Variants in WFDC12 observed in about 807,000 individuals in gnomAD.
WFDC12 encodes the protein WAP four-disulfide core domain 12.
A neutral mutation model predicts 7.3 loss-of-function variants in WFDC12; 4 were observed. The ratio of observed to expected loss-of-function variants is 0.55; its 90% CI spans 0.27 to 1.25. WFDC12 has a LOEUF of 1.25. WFDC12 is among the 50% of genes most tolerant of loss of function. The pLI is 0.12. For missense variants in WFDC12, 156 were observed against 134.4 expected (o/e 1.16, Z -0.80); for synonymous variants, 48 against 49.5 (o/e 0.97, Z 0.13).
Position 45,124,180 on chromosome 20 carries a change from A to T in WFDC12, c.165T>A (p.Cys55Ter), listed in dbSNP as rs1458718622. Residue 55 changes from cysteine (C) to a stop codon, truncating the protein, a stop_gained, in exon 2 of 3, where the codon TGT (cysteine) becomes TGA (stop). Transcript: ENST00000372785. LOFTEE classifies it high-confidence loss of function. ...GGTAACAACACTTCCTTTCCCCCAG[A>T]CAGTCCTGGTCTGTGTGACACTGGG... ...DPPQCHTDQDCLGERKCCYLH... is the reference protein window; with the variant it reads ...DPPQCHTDQD 1.2e-5 allele frequency: 20 copies of T among 1,614,020 alleles called. No homozygotes were observed. The highest frequency in any genetic ancestry group is 1.7e-5 in the Non-Finnish European group (20 of 1,180,030).
intron 2 of WFDC12, 79 bp downstream of exon 2, chr20:45,124,028 A>T: frequency 6.2e-7 from 1 of 1,605,334 alleles, no homozygotes; most frequent in Non-Finnish European, 8.5e-7. Context: ...AGCTAAAGGG[A>T]CTAATTCCTC....
rs1161831294 is a variant in WFDC12, at chr20:45,123,491, C to T, written c.*355G>A. The T allele has an allele frequency of 2.2e-5, 6 of 272,844 alleles. No homozygotes were observed. In the South Asian group the frequency reaches 2.9e-4, roughly 13 times the overall value. The allele number at this position is 272,844 out of a possible 1,614,324, so 16.9% of individuals were successfully genotyped here. On this transcript the variant is annotated 3_prime_UTR_variant, in exon 3 of 3. Coordinates refer to ENST00000372785, the MANE Select transcript of WFDC12 (RefSeq NM_080869.2). Reference sequence around the variant, plus strand: ...GGCTGGGAAGTCCAAGATCAAGGCACCAGCAGATTCAGCATCTGGTGAGGA... The same window carrying T: ...GGCTGGGAAGTCCAAGATCAAGGCATCAGCAGATTCAGCATCTGGTGAGGA...
Position 45,123,849 on chromosome 20 carries a change from T to C in WFDC12, c.333A>G (p.Lys111=), listed in dbSNP as rs1280275859. The C allele has an allele frequency of 6.2e-7, 1 of 1,612,938 alleles. No individual in the cohort carries two copies. Among genetic ancestry groups the C allele is most frequent in the African/African-American group, 1.3e-5 (1 of 74,990 alleles). The change falls in exon 3 of 3, where the codon AAA becomes AAG. Residue 111 remains lysine (K), a synonymous_variant. Coordinates refer to ENST00000372785, the MANE Select transcript of WFDC12 (RefSeq NM_080869.2). ...PGSSSTRCPQ[K] ...CAGAGGTAGAAAGGACCCAGCATCA[T>C]TTCTGAGGACACCTGGTAGAGGAGG...
chr20:45,123,893 C>A lies in WFDC12; in HGVS notation c.289G>T (p.Glu97Ter). The part of the protein sequence containing the change: ...VSRPYPEPGW[E>*]AKCPGSSSTR... ...GAGGAGGAGCCTGGACACTTGGCCT[C>A]CCATCCTGGCTCAGGGTATGGCCTT... Residue 97 changes from glutamate (E) to a stop codon, truncating the protein, a stop_gained, in exon 3 of 3, where the codon GAG becomes TAG. Transcript: ENST00000372785. LOFTEE classifies it low-confidence loss of function (END_TRUNC). 1 of 1,613,636 alleles carries A rather than the reference C, an allele frequency of 6.2e-7. No homozygotes were observed. Among genetic ancestry groups the A allele is most frequent in the Non-Finnish European group, 8.5e-7 (1 of 1,180,008 alleles).
In WFDC12 at chr20:45,123,908, G is replaced by T; in HGVS notation, c.274C>A (p.Pro92Thr). The T allele has an allele frequency of 6.2e-7, 1 of 1,613,578 alleles. No individual in the cohort carries two copies. Among genetic ancestry groups the T allele is most frequent in the Non-Finnish European group, 8.5e-7 (1 of 1,179,922 alleles). ...CACTTGGCCTCCCATCCTGGCTCAG[G>T]GTATGGCCTTGACACATCTTCATCC... is the stretch of plus-strand genomic sequence containing the variant. ...NKDEDVSRPY[P>T]EPGWEAKCPG... Residue 92 changes from proline to threonine, a missense_variant, in exon 3 of 3, where the codon CCT becomes ACT. Coordinates refer to ENST00000372785, the MANE Select transcript of WFDC12 (RefSeq NM_080869.2).
chr20:45,123,776 T>C lies in WFDC12; in HGVS notation c.*70A>G, dbSNP rs1600615621. 2 of 1,503,384 alleles carry C rather than the reference T, an allele frequency of 1.3e-6. No individual in the cohort carries two copies. Among genetic ancestry groups the C allele is most frequent in the African/African-American group, 2.8e-5 (2 of 72,506 alleles). The allele number at this position is 1,503,384 out of a possible 1,614,324, so 93.1% of individuals were successfully genotyped here. On this transcript the variant is annotated 3_prime_UTR_variant, in exon 3 of 3. Coordinates refer to ENST00000372785, the MANE Select transcript of WFDC12 (RefSeq NM_080869.2). ...GGGTTGGGTATTGCTTCTTCCATATTCCAAGTCTCAGGACCCTCAGGGGCA... is the reference window on the plus strand; with the variant it reads ...GGGTTGGGTATTGCTTCTTCCATATCCCAAGTCTCAGGACCCTCAGGGGCA...
At chr20:45,124,055 A>G (rs909717928) in intron 2 of WFDC12, 52 bp downstream of exon 2, 1 of 1,611,936 alleles carries the variant, frequency 6.2e-7, no homozygotes, top group Non-Finnish European at 8.5e-7. Context: ...TTCATGGGTC[A>G]GATAGAGGCA....
In WFDC12 at chr20:45,124,068, G is replaced by A. The variant is rs939815199; in HGVS notation, c.238+39C>T. ...CTTTCATGGGTCAGATAGAGGCAGG[G>A]AAGGGACAGCCCCAGCCCTGGGAGG... On this transcript the variant is annotated intron_variant, in intron 2 of 2. Transcript: ENST00000372785. The A allele has an allele frequency of 5.0e-6, 8 of 1,613,004 alleles. No homozygotes were observed. The Admixed American group carries it at 1.0e-4, about 20-fold the overall frequency.
Position 45,124,128 on chromosome 20 carries a change from G to A in WFDC12, c.217C>T (p.Pro73Ser). The A allele has an allele frequency of 6.2e-7, 1 of 1,614,124 alleles. No individual in the cohort carries two copies. The highest frequency in any genetic ancestry group is 1.3e-5 in the African/African-American group (1 of 75,050). Reference protein sequence around the residue: ...YLHCGFKCVIPVKELEEGGNK... With the variant: ...YLHCGFKCVISVKELEEGGNK... ...TTACCTTCTTCCAGTTCCTTCACAG[G>A]AATCACACACTTGAAGCCACAGTGC... The change falls in exon 2 of 3, where the codon CCT becomes TCT. Residue 73 changes from proline (P) to serine (S), a missense_variant. By Grantham distance (74) the Pro-to-Ser change is moderately conservative. Transcript: ENST00000372785.
intron 2 of WFDC12, 77 bp from the exon 3 acceptor site, chr20:45,124,020 C>T (rs565115307): frequency 1.2e-6 from 2 of 1,601,188 alleles, no homozygotes; most frequent in Admixed American, 1.7e-5. Context: ...CCCACACCAG[C>T]TAAAGGGACT....
rs1187965831 is a variant in WFDC12 at position 45,124,249 on chromosome 20, C to T, written c.96G>A (p.Gly32=). ...EGVKEGIEKA[G]VCPADNVRCF... ...AGCGTACGTTGTCAGCTGGGCAAAC[C>T]CCTGCTTTCTCTATACCTAGTGGAG... is the stretch of plus-strand genomic sequence containing the variant. Residue 32 remains glycine (G), a synonymous_variant, in exon 2 of 3, where the codon GGG becomes GGA. Coordinates refer to ENST00000372785, the MANE Select transcript of WFDC12 (RefSeq NM_080869.2). 6.2e-7 allele frequency: 1 copy of T among 1,614,176 alleles called. No homozygotes were observed. Among genetic ancestry groups the T allele is most frequent in the Non-Finnish European group, 8.5e-7 (1 of 1,180,006 alleles).
chr20:45,124,300 C>T, intron 1 of WFDC12, 35 bp from the exon 2 acceptor site: 1 of 1,614,018 alleles, frequency 6.2e-7, no homozygotes, highest in Non-Finnish European at 8.5e-7. Flanking sequence ...TATGAGAACT[C>T]CAGCCCCAGA....
chr20:45,123,916 C>A lies in WFDC12; in HGVS notation c.266G>T (p.Arg89Met), dbSNP rs1411589649. The A allele has an allele frequency of 5.0e-6, 8 of 1,613,428 alleles. No individual in the cohort carries two copies. Among genetic ancestry groups the A allele is most frequent in the Non-Finnish European group, 6.8e-6 (8 of 1,179,816 alleles). ...CTCCCATCCTGGCTCAGGGTATGGC[C>A]TTGACACATCTTCATCCTTGTTTCC... ...EGGNKDEDVSRPYPEPGWEAK... is the reference protein window; with the variant it reads ...EGGNKDEDVSMPYPEPGWEAK... Residue 89 changes from arginine (R) to methionine (M), a missense_variant, in exon 3 of 3, where the codon AGG (arginine) becomes ATG (methionine). Arg to Met is a moderately conservative substitution (Grantham distance 91). Transcript: ENST00000372785.
Position 45,123,702 on chromosome 20 carries a change from C to T in WFDC12, c.*144G>A, listed in dbSNP as rs1981920182. The T allele has an allele frequency of 3.5e-6, 3 of 865,102 alleles. No homozygotes were observed. Among genetic ancestry groups the T allele is most frequent in the African/African-American group, 1.7e-5 (1 of 59,732 alleles). 53.6% of individuals were successfully genotyped at this position (865,102 alleles called of 1,614,324 possible). ...CCTGGGGTCTGGACTTTTTGTGACT[C>T]TTCCCTCTTTTTGGGGAAAAGGACT... On this transcript the variant is annotated 3_prime_UTR_variant, in exon 3 of 3. Coordinates refer to ENST00000372785, the MANE Select transcript of WFDC12 (RefSeq NM_080869.2).
intron 2 of WFDC12, 53 bp downstream of exon 2, chr20:45,124,054 C>G: frequency 1.2e-6 from 2 of 1,611,588 alleles, no homozygotes; most frequent in Middle Eastern, 1.7e-4. Flanking sequence ...TTTCATGGGT[C>G]AGATAGAGGC....
Position 45,124,397 on chromosome 20 carries a change from G to T in WFDC12, c.51C>A (p.Thr17=). The T allele has an allele frequency of 6.2e-7, 1 of 1,614,170 alleles. No homozygotes were observed. Among genetic ancestry groups the T allele is most frequent in the Non-Finnish European group, 8.5e-7 (1 of 1,180,030 alleles). ...LVLMVSLVLV[T]LVAVEGVKEG... is the part of the protein sequence containing the mutation. ...CTTTAACTCCTTCCACAGCCACCAGGGTCACAAGAACGAGAGACACCATGA... is the reference window on the plus strand; with the variant it reads ...CTTTAACTCCTTCCACAGCCACCAGTGTCACAAGAACGAGAGACACCATGA... Residue 17 remains threonine, a synonymous_variant, in exon 1 of 3, where the codon ACC becomes ACA. Transcript: ENST00000372785.
Position 45,123,512 on chromosome 20 carries a change from G to A in WFDC12, c.*334C>T. On this transcript the variant is annotated 3_prime_UTR_variant, in exon 3 of 3. Coordinates refer to ENST00000372785, the MANE Select transcript of WFDC12 (RefSeq NM_080869.2). ...GGCACCAGCAGATTCAGCATCTGGTGAGGACCAGTTTCTCTTCTCTGACAG... is the reference window on the plus strand; with the variant it reads ...GGCACCAGCAGATTCAGCATCTGGTAAGGACCAGTTTCTCTTCTCTGACAG... 2 of 319,682 alleles carry A rather than the reference G, an allele frequency of 6.3e-6. No homozygotes were observed. Among genetic ancestry groups the A allele is most frequent in the Admixed American group, 4.6e-5 (1 of 21,844 alleles). 19.8% of individuals were successfully genotyped at this position (319,682 alleles called of 1,614,324 possible).
chr20:45,123,905 CAG>C lies in WFDC12; in HGVS notation c.275_276del (p.Pro92ArgfsTer38). The part of the protein sequence containing the change: ...NKDEDVSRPY[P>X]EPGWEAKCPG... Reference sequence around the variant, plus strand: ...GGACACTTGGCCTCCCATCCTGGCTCAGGGTATGGCCTTGACACATCTTCATC... The same window carrying C: ...GGACACTTGGCCTCCCATCCTGGCTCGGTATGGCCTTGACACATCTTCATC... On this transcript the variant is annotated frameshift_variant, in exon 3 of 3. Coordinates refer to ENST00000372785, the MANE Select transcript of WFDC12 (RefSeq NM_080869.2). LOFTEE classifies it low-confidence loss of function (END_TRUNC). 6.2e-7 allele frequency: 1 copy of C among 1,613,678 alleles called. No homozygotes were observed. The highest frequency in any genetic ancestry group is 8.5e-7 in the Non-Finnish European group (1 of 1,179,950).
Position 45,123,941 on chromosome 20 carries a change from C to T in WFDC12, c.241G>A (p.Gly81Arg). 3 of 1,609,684 alleles carry T rather than the reference C, an allele frequency of 1.9e-6. No individual in the cohort carries two copies. The highest frequency in any genetic ancestry group is 2.5e-6 in the Non-Finnish European group (3 of 1,177,788). ...VIPVKELEEG[G>R]NKDEDVSRPY... ...CTTGACACATCTTCATCCTTGTTTC[C>T]TCCTTTGGACAATGGAGATGTTCAG... The change falls in exon 3 of 3, where the codon GGA becomes AGA. Residue 81 changes from glycine (G) to arginine (R), a missense_variant and splice_region_variant. Coordinates refer to ENST00000372785, the MANE Select transcript of WFDC12 (RefSeq NM_080869.2).
Sources: allele counts gnomAD v4.1 joint callset, GRCh38; gene constraint gnomAD v4.1.1; transcripts MANE v1.5; gene names NCBI Gene and HGNC (gene_info 2026-07-23, HGNC 2026-07-21).